Variants in DISC1 observed in about 807,000 individuals in gnomAD.
DISC1 encodes the protein DISC1 scaffold protein.
A neutral mutation model predicts 84.5 loss-of-function variants in DISC1; 57 were observed. That is an observed-to-expected ratio of 0.67 (90% CI 0.55 to 0.84). The LOEUF is 0.84. Among genes scored for constraint, DISC1 ranks in the 40% least tolerant of loss-of-function variants. The pLI, the probability that DISC1 is intolerant of heterozygous loss-of-function variation, is 0.00. For missense variants in DISC1, 1,000 were observed against 1,057.8 expected, an observed-to-expected ratio of 0.95 and a Z score of 0.76; for synonymous variants, 411 against 415.2, an observed-to-expected ratio of 0.99 and a Z score of 0.12.
At position 231,694,512 on chromosome 1, in the gene DISC1, T is replaced by C; in HGVS notation, c.754T>C (p.Leu252=). Residue 252 remains leucine (L), a synonymous_variant, in exon 2 of 13, where the codon TTG becomes CTG. Transcript: ENST00000439617. ...PQEMGAKAAS[L]DGPHEDPRCL... is the part of the protein sequence containing the mutation. ...GGAGATGGGAGCCAAAGCTGCCAGC[T>C]TGGACGGGCCTCACGAGGACCCGCG... The C allele has an allele frequency of 6.2e-7, 1 of 1,614,270 alleles. No homozygotes were observed. Among genetic ancestry groups the C allele is most frequent in the Non-Finnish European group, 8.5e-7 (1 of 1,180,046 alleles).
In DISC1 at chr1:231,798,563, A is replaced by G. The variant is rs144398100; in HGVS notation, c.1690-1545A>G. Among the ~76,000 whole-genome samples, 262 of 152,296 alleles carry G rather than the reference A, an allele frequency of 1.7e-3. 1 individual carries two copies. Among genetic ancestry groups the G allele is most frequent in the Admixed American group, 0.015 (231 of 15,268 alleles). ...GAAATGCCCTCAGACCTCAGATGACATTATTAAATAGATAGGATGGGATGT... is the reference window on the plus strand; with the variant it reads ...GAAATGCCCTCAGACCTCAGATGACGTTATTAAATAGATAGGATGGGATGT... On this transcript the variant is annotated intron_variant, in intron 7 of 12. Transcript: ENST00000439617.
At chr1:231,923,791 C>T (rs2090157829) in intron 9 of DISC1, among the ~76,000 whole-genome samples, 1 of 152,214 alleles carries the variant, frequency 6.6e-6, no homozygotes, top group Admixed American at 6.5e-5. Context: ...TCAAGATCCT[C>T]CTGTGGCGCC....
chr1:231,795,738 A>C (rs1275414819), intron 7 of DISC1, among the ~76,000 whole-genome samples: 2 of 152,030 alleles, frequency 1.3e-5, no homozygotes, highest in East Asian at 3.9e-4. Context: ...AAAATACAAA[A>C]ATTAGCTGGG....
chr1:231,760,232 A>G (rs903568963), intron 4 of DISC1, among the ~76,000 whole-genome samples: 1 of 152,200 alleles, frequency 6.6e-6, no homozygotes, highest in Non-Finnish European at 1.5e-5. Context: ...CAATTTTACA[A>G]CATTCTTTTG....
chr1:231,868,892 GAAA>G (rs60622045), intron 9 of DISC1, among the ~76,000 whole-genome samples: 116,203 of 141,078 alleles, frequency 0.82, 48,273 homozygotes, highest in East Asian at 0.99. Flanking sequence ...CTCTAAAAAG[GAAA>G]AAAAAAAAAA....
At chr1:231,747,205 A>G (rs1176159790) in intron 3 of DISC1, among the ~76,000 whole-genome samples, 1 of 152,340 alleles carries the variant, frequency 6.6e-6, no homozygotes, top group South Asian at 2.1e-4. Context: ...TGCTGGGATT[A>G]CAGGTGTGAG....
chr1:231,798,975 T>C (rs1017614997), intron 7 of DISC1, among the ~76,000 whole-genome samples: 1 of 152,022 alleles, frequency 6.6e-6, no homozygotes, highest in African/African-American at 2.4e-5. Context: ...TCTGGGAAAT[T>C]AAATTTTTCT....
At chr1:232,013,515 C>T (rs199810120) in intron 11 of DISC1, among the ~76,000 whole-genome samples, 122 of 151,944 alleles carry the variant, frequency 8.0e-4, no homozygotes, top group African/African-American at 2.9e-3. Flanking sequence ...AACAAGTTAA[C>T]GAGAAAAACA....
intron 10 of DISC1, among the ~76,000 whole-genome samples, chr1:231,980,795 C>G (rs1435439496): frequency 6.6e-6 from 1 of 152,132 alleles, no homozygotes; most frequent in Non-Finnish European, 1.5e-5. Context: ...ATATCTTGTT[C>G]TTACTTTCCT....
At position 231,854,866 on chromosome 1, in the gene DISC1, G is replaced by A. The variant is rs59777268; in HGVS notation, c.1981+36349G>A. On this transcript the variant is annotated intron_variant, in intron 9 of 12. Coordinates refer to ENST00000439617, the MANE Select transcript of DISC1 (RefSeq NM_018662.3). ...GGAGTAGCTGGGATTACAGGTGCCCGCCACCATGCCTGGCTAATTTTGTAT... is the reference window on the plus strand; with the variant it reads ...GGAGTAGCTGGGATTACAGGTGCCCACCACCATGCCTGGCTAATTTTGTAT... The A allele has an allele frequency of 1.8e-3, 747 of 405,600 alleles. 5 individuals carry two copies. Among genetic ancestry groups the A allele is most frequent in the African/African-American group, 0.012 (573 of 48,072 alleles). The allele number at this position is 405,600 out of a possible 1,614,324, so 25.1% of individuals were successfully genotyped here. A position where few individuals can be genotyped will look rare whatever the true frequency, so the allele number is the denominator to read the frequency against.
intron 9 of DISC1, among the ~76,000 whole-genome samples, chr1:231,873,847 A>ATT (rs1558677091): frequency 6.6e-5 from 2 of 30,256 alleles, no homozygotes; most frequent in Admixed American, 4.5e-4. Context: ...CATCTTAAAT[A>ATT]ATTTTTTTTT....
At chr1:231,715,541 G>A (rs1025512726) in intron 3 of DISC1, among the ~76,000 whole-genome samples, 2 of 152,110 alleles carry the variant, frequency 1.3e-5, no homozygotes, top group African/African-American at 4.8e-5. Context: ...GTTTTTCCGG[G>A]AGCTTTATGT....
At chr1:231,866,336 G>C (rs1458512403) in intron 9 of DISC1, among the ~76,000 whole-genome samples, 1 of 152,048 alleles carries the variant, frequency 6.6e-6, no homozygotes, top group African/African-American at 2.4e-5. Flanking sequence ...TTGGACCAGA[G>C]ATTTCTCATC....
chr1:231,926,369 T>C (rs925454577), intron 9 of DISC1, among the ~76,000 whole-genome samples: 1 of 152,182 alleles, frequency 6.6e-6, no homozygotes, highest in African/African-American at 2.4e-5. Flanking sequence ...TTTTGTATAA[T>C]ATACAAAATT....
intron 9 of DISC1, among the ~76,000 whole-genome samples, chr1:231,830,860 A>G (rs1410376725): frequency 2.0e-5 from 3 of 152,230 alleles, no homozygotes; most frequent in Non-Finnish European, 4.4e-5. Flanking sequence ...TTTTTAAAAG[A>G]CCATTAGTCT....
chr1:232,026,616 G>C (rs560968719), intron 12 of DISC1, 64 bp downstream of exon 12: 1 of 1,323,950 alleles, frequency 7.6e-7, no homozygotes, highest in African/African-American at 1.5e-5. Context: ...GTCTTTAAAG[G>C]GTAGTTTTTC....
Position 231,957,348 on chromosome 1 carries a change from ACAGCCC to A in DISC1, c.1982-1478_1982-1473del, listed in dbSNP as rs368291656. Among the ~76,000 whole-genome samples, 451 of 152,144 alleles carry A rather than the reference ACAGCCC, an allele frequency of 3.0e-3. 2 individuals carry two copies. The highest frequency in any genetic ancestry group is 0.011 in the African/African-American group (444 of 41,514). On this transcript the variant is annotated intron_variant, in intron 9 of 12. Transcript: ENST00000439617. ...CAGTGATGCCTTCCCTGACCACTCT[ACAGCCC>A]CTTTTCACTTGCTGTCTTTTTTTTT... is the stretch of plus-strand genomic sequence containing the variant.
At chr1:231,839,608 C>T (rs2082885014) in intron 9 of DISC1, among the ~76,000 whole-genome samples, 1 of 152,170 alleles carries the variant, frequency 6.6e-6, no homozygotes. Context: ...CTCCACTGCT[C>T]CTGAACATTC....
In DISC1 at chr1:232,034,793, G is replaced by A. The variant is rs565311552; in HGVS notation, c.2426-1899G>A. Among the ~76,000 whole-genome samples the A allele has an allele frequency of 8.5e-5, 13 of 152,102 alleles. No individual in the cohort carries two copies. The South Asian group carries it at 2.1e-3, about 24-fold the overall frequency. ...GACTTTGTGATTAAATTCCAGTTTG[G>A]TATTCAGTCTGGGACCACTTATGCT... is the stretch of plus-strand genomic sequence containing the variant. On this transcript the variant is annotated intron_variant, in intron 12 of 12. Transcript: ENST00000439617.
Sources: gnomAD v4.1 joint callset for allele counts (sites outside exome capture counted in the v4.1 genomes callset) on GRCh38, gnomAD v4.1.1 for gene constraint, MANE v1.5 for transcripts, NCBI Gene and HGNC (gene_info 2026-07-23, HGNC 2026-07-21) for gene names.